EDRF1: variants seen among roughly 807,000 people sequenced by gnomAD.
EDRF1 encodes the protein erythroid differentiation-related factor 1.
In EDRF1, 69 loss-of-function variants were observed where a neutral mutation model predicts 148.7. The ratio of observed to expected loss-of-function variants is 0.46; its 90% CI spans 0.38 to 0.57. EDRF1 has a LOEUF of 0.57. Among genes scored for constraint, EDRF1 ranks in the 20% least tolerant of loss-of-function variants. The probability of loss-of-function intolerance (pLI) is 0.00; values close to 1 mark genes in which losing one functional copy is unlikely to be tolerated. For synonymous variants in EDRF1, 515 were observed against 532.8 expected (o/e 0.97, Z 0.46); for missense variants, 1,118 against 1,478.7 (o/e 0.76, Z 4.00).
Position 125,759,000 on chromosome 10 carries a change from C to G in EDRF1, c.3546-4301C>G, listed in dbSNP as rs148158544. On this transcript the variant is annotated intron_variant, in intron 24 of 24. Transcript: ENST00000356792. ...CAGGGTTCATTGTCTTCCCCCACCC[C>G]CATTGAGTCTTTTGTTTCATAGAGG... 1.0e-3 allele frequency among the ~76,000 whole-genome samples: 156 copies of G among 152,274 alleles called. 3 individuals carry two copies. The East Asian group carries it at 0.027, about 26-fold the overall frequency.
intron 4 of EDRF1, among the ~76,000 whole-genome samples, 192 bp from the exon 5 acceptor site, chr10:125,725,126 G>A (rs1454325968): frequency 6.6e-6 from 1 of 152,170 alleles, no homozygotes; most frequent in East Asian, 1.9e-4. Flanking sequence ...GGAGGAGGAA[G>A]ACGGGTTTCC....
chr10:125,753,951 C>A (rs1303101862), intron 24 of EDRF1, 106 bp downstream of exon 24: 1 of 1,250,132 alleles, frequency 8.0e-7, no homozygotes, highest in Non-Finnish European at 1.1e-6. Flanking sequence ...CACATTGGCT[C>A]ACACCTGCAA....
In EDRF1 at chr10:125,740,502, G is replaced by T; in HGVS notation, c.2021G>T (p.Gly674Val). 1 of 1,614,022 alleles carries T rather than the reference G, an allele frequency of 6.2e-7. No homozygotes were observed. Among genetic ancestry groups the T allele is most frequent in the Non-Finnish European group, 8.5e-7 (1 of 1,180,002 alleles). Reference sequence around the variant, plus strand: ...AAGGGCAATTATTCCAGTCAATCTGGAATGATCCCTGGCTCTTGGCAACAT... The same window carrying T: ...AAGGGCAATTATTCCAGTCAATCTGTAATGATCCCTGGCTCTTGGCAACAT... Reference protein sequence around the residue: ...LQKGNYSSQSGMIPGSWQHKM... With the variant: ...LQKGNYSSQSVMIPGSWQHKM... Residue 674 changes from glycine to valine, a missense_variant, in exon 16 of 25, where the codon GGA becomes GTA. Physicochemically the swap from Gly to Val is moderately radical, Grantham distance 109. Coordinates refer to ENST00000356792, the MANE Select transcript of EDRF1 (RefSeq NM_001202438.2).
At chr10:125,741,581 T>A in intron 17 of EDRF1, 1 of 274,974 alleles carries the variant, frequency 3.6e-6, no homozygotes, top group Non-Finnish European at 7.3e-6. Context: ...TTAAGCATGA[T>A]CTTGTGTATT....
intron 6 of EDRF1, among the ~76,000 whole-genome samples, chr10:125,727,076 A>C (rs78648619): frequency 0.015 from 2,282 of 152,270 alleles, 61 homozygotes; most frequent in East Asian, 0.089. Context: ...TGTACAAATA[A>C]GTAAACTAAC....
At chr10:125,749,012 G>A (rs1204201918) in intron 21 of EDRF1, 1 of 267,198 alleles carries the variant, frequency 3.7e-6, no homozygotes, top group African/African-American at 2.2e-5. Flanking sequence ...AGCACTTTGG[G>A]AGCCGAGGTG....
chr10:125,750,767 T>C (rs1390204844), intron 22 of EDRF1, among the ~76,000 whole-genome samples: 1 of 152,198 alleles, frequency 6.6e-6, no homozygotes, highest in Non-Finnish European at 1.5e-5. Context: ...CTAAAACTAA[T>C]TTTTTGCTGG....
chr10:125,729,630 T>A (rs1162769345), intron 8 of EDRF1, 151 bp downstream of exon 8: 5 of 1,061,140 alleles, frequency 4.7e-6, no homozygotes, highest in African/African-American at 1.6e-5. Flanking sequence ...CAAAAAAGAA[T>A]CAGTGTTCCA....
Position 125,723,910 on chromosome 10 carries a change from C to A in EDRF1, c.484C>A (p.Gln162Lys). ...RTLLLDELDI[Q>K]ELFMRSSQTG... The stretch of plus-strand genomic sequence containing the variant: ...TCTCTTACTAGATGAGCTAGATATT[C>A]AAGAACTCTTTATGAGATCGTCTCA... Residue 162 changes from glutamine to lysine, a missense_variant, in exon 4 of 25, where the codon CAA becomes AAA. By Grantham distance (53) the Gln-to-Lys change is moderately conservative. Around this residue, in one of 3 missense-constraint regions of EDRF1, gnomAD observed 99 missense variants for 186.9 expected, o/e 0.53. Coordinates refer to ENST00000356792, the MANE Select transcript of EDRF1 (RefSeq NM_001202438.2). The A allele has an allele frequency of 6.2e-7, 1 of 1,613,506 alleles. No individual in the cohort carries two copies. The highest frequency in any genetic ancestry group is 1.1e-5 in the South Asian group (1 of 91,054).
chr10:125,746,010 C>A lies in EDRF1; in HGVS notation c.2814+80C>A, dbSNP rs147846900. 30 of 1,312,694 alleles carry A rather than the reference C, an allele frequency of 2.3e-5. No homozygotes were observed. The East Asian group carries it at 6.9e-4, about 30-fold the overall frequency. 81.3% of individuals were successfully genotyped at this position (1,312,694 alleles called of 1,614,324 possible). ...ACATTTTGCCAGTTTCACTAAAATA[C>A]TATAAAACTAAAAATAATTAAACTC... On this transcript the variant is annotated intron_variant, in intron 19 of 24. Transcript: ENST00000356792.
chr10:125,749,783 T>C, intron 22 of EDRF1: 1 of 571,636 alleles, frequency 1.7e-6, no homozygotes, highest in Non-Finnish European at 3.1e-6. Flanking sequence ...TGACTAGAAA[T>C]ACTGAGATAT....
At chr10:125,724,031 A>G in intron 4 of EDRF1, 95 bp downstream of exon 4, 1 of 1,407,448 alleles carries the variant, frequency 7.1e-7, no homozygotes, top group Non-Finnish European at 1.0e-6. Context: ...GTGGAAATGT[A>G]GTTGAGTACT....
intron 22 of EDRF1, among the ~76,000 whole-genome samples, chr10:125,751,404 G>GTTTTTTTTTTTTTTTTTT (rs60964364): frequency 2.1e-5 from 3 of 140,700 alleles, no homozygotes; most frequent in Non-Finnish European, 3.0e-5. Flanking sequence ...TTTACCCAGT[G>GTTTTTTTTTTTTTTTTTT]TTTTTTTTTT....
At chr10:125,756,956 G>A in intron 24 of EDRF1, 1 of 399,730 alleles carries the variant, frequency 2.5e-6, no homozygotes, top group Non-Finnish European at 4.9e-6. Flanking sequence ...GGGACCACGG[G>A]TGTGCCCCAC....
intron 24 of EDRF1, among the ~76,000 whole-genome samples, chr10:125,758,724 C>T (rs1289797058): frequency 6.6e-6 from 1 of 152,166 alleles, no homozygotes; most frequent in African/African-American, 2.4e-5. Context: ...TGTCTTTATA[C>T]TCTCACAGTT....
At chr10:125,724,892 G>T (rs1423322771) in intron 4 of EDRF1, among the ~76,000 whole-genome samples, 1 of 152,166 alleles carries the variant, frequency 6.6e-6, no homozygotes, top group Non-Finnish European at 1.5e-5. Flanking sequence ...TAAAATAAGT[G>T]CTTTTTTCCT....
intron 18 of EDRF1, among the ~76,000 whole-genome samples, chr10:125,744,257 C>T (rs1169729563): frequency 6.7e-6 from 1 of 148,504 alleles, no homozygotes; most frequent in Non-Finnish European, 1.5e-5. Context: ...TTTACTCTGT[C>T]GCGCAGGCTA....
rs1850284537 is a variant in EDRF1 at position 125,763,629 on chromosome 10, C to G, written c.*157C>G. On this transcript the variant is annotated 3_prime_UTR_variant, in exon 25 of 25. Transcript: ENST00000356792. This position sits in a 1 kb window ranked among gnomAD's most constrained non-coding sequence, Gnocchi z 4.3. ...GTTATTTTAAGTGACAGACAAATTA[C>G]GGTTGAGTTCTGTGGCTTCTTCACT... The G allele has an allele frequency of 1.2e-6, 1 of 852,152 alleles. No individual in the cohort carries two copies. Among genetic ancestry groups the G allele is most frequent in the Admixed American group, 2.4e-5 (1 of 41,470 alleles). 52.8% of individuals were successfully genotyped at this position (852,152 alleles called of 1,614,324 possible).
chr10:125,744,416 T>G (rs1478450913), intron 18 of EDRF1, among the ~76,000 whole-genome samples: 1 of 152,196 alleles, frequency 6.6e-6, no homozygotes, highest in Non-Finnish European at 1.5e-5. Flanking sequence ...ACTCCTGGCC[T>G]CAGGCAGTCC....
Sources: allele counts gnomAD v4.1 joint callset (sites outside exome capture counted in the v4.1 genomes callset), GRCh38; gene constraint gnomAD v4.1.1; regional missense constraint gnomAD v4.1.1; non-coding constraint Gnocchi (gnomAD v3.1); transcripts MANE v1.5; gene names NCBI Gene and HGNC (gene_info 2026-07-23, HGNC 2026-07-21).